NMNAT2: variants seen among roughly 807,000 people sequenced by gnomAD.
The protein encoded by NMNAT2 is nicotinamide/nicotinic acid mononucleotide adenylyltransferase 2.
A neutral mutation model predicts 41.6 loss-of-function variants in NMNAT2; 11 were observed. The observed-to-expected ratio is 0.26, with a 90% CI of 0.17 to 0.44. The LOEUF is 0.44. Ranked by LOEUF, NMNAT2 falls within the 20% of genes least tolerant of loss-of-function variation. The probability of loss-of-function intolerance (pLI) is 1.00; values close to 1 mark genes in which losing one functional copy is unlikely to be tolerated. For synonymous variants in NMNAT2, 148 were observed against 151.2 expected (o/e 0.98, Z 0.16); for missense variants, 288 against 407.7 (o/e 0.71, Z 2.53).
intron 8 of NMNAT2, among the ~76,000 whole-genome samples, chr1:183,271,151 CT>C (rs1418411605): frequency 6.6e-6 from 1 of 152,194 alleles, no homozygotes; most frequent in Admixed American, 6.5e-5. Flanking sequence ...AGTTTTTACT[CT>C]TTTGGGTTAA....
intron 1 of NMNAT2, among the ~76,000 whole-genome samples, chr1:183,372,110 T>C (rs1242611364): frequency 6.6e-6 from 1 of 152,066 alleles, no homozygotes; most frequent in African/African-American, 2.4e-5. Flanking sequence ...GGGAGCAACA[T>C]GAAGCAAACA....
intron 1 of NMNAT2, among the ~76,000 whole-genome samples, chr1:183,373,513 T>A (rs1320578595): frequency 6.6e-6 from 1 of 152,076 alleles, no homozygotes; most frequent in Non-Finnish European, 1.5e-5. Flanking sequence ...CCTCAGAATA[T>A]CCGTGAAATT....
intron 8 of NMNAT2, among the ~76,000 whole-genome samples, chr1:183,275,186 A>G (rs1661091654): frequency 6.6e-6 from 1 of 152,242 alleles, no homozygotes; most frequent in African/African-American, 2.4e-5. Flanking sequence ...AGGTCTGCTA[A>G]TTAATAATGG....
intron 1 of NMNAT2, among the ~76,000 whole-genome samples, chr1:183,370,376 T>A (rs571846840): frequency 6.6e-5 from 10 of 152,266 alleles, no homozygotes; most frequent in African/African-American, 2.4e-4. Flanking sequence ...GAGTTTCCAT[T>A]TCTGCTTCAT....
At chr1:183,266,419 T>C (rs1660816687) in intron 8 of NMNAT2, among the ~76,000 whole-genome samples, 1 of 152,192 alleles carries the variant, frequency 6.6e-6, no homozygotes, top group Non-Finnish European at 1.5e-5. Context: ...CTGCATCCCT[T>C]GTGCGCTCCC....
rs1662054044 is a variant in NMNAT2, at chr1:183,309,053, C to T, written c.86-15260G>A. On this transcript the variant is annotated intron_variant, in intron 1 of 10. Transcript: ENST00000287713. Reference sequence around the variant, plus strand: ...GTTTATTTTGAGACAGGGTCTCACTCTGTGCCCTGGCTGGAGTGCAGTGGT... The same window carrying T: ...GTTTATTTTGAGACAGGGTCTCACTTTGTGCCCTGGCTGGAGTGCAGTGGT... 2.6e-5 allele frequency among the ~76,000 whole-genome samples: 4 copies of T among 152,264 alleles called. No individual in the cohort carries two copies. The South Asian group carries it at 8.3e-4, about 32-fold the overall frequency.
At chr1:183,265,179 T>C (rs1558109610) in intron 8 of NMNAT2, among the ~76,000 whole-genome samples, 1 of 145,492 alleles carries the variant, frequency 6.9e-6, no homozygotes, top group Non-Finnish European at 1.5e-5. Flanking sequence ...AAACAAATAG[T>C]TAAACCATCC....
At chr1:183,287,201 G>T (rs1661423139) in intron 4 of NMNAT2, among the ~76,000 whole-genome samples, 1 of 152,166 alleles carries the variant, frequency 6.6e-6, no homozygotes. Context: ...AGCAGGCGAT[G>T]CTGGAACCTT....
intron 1 of NMNAT2, among the ~76,000 whole-genome samples, chr1:183,350,180 CT>C (rs1288123996): frequency 6.6e-6 from 1 of 152,164 alleles, no homozygotes; most frequent in African/African-American, 2.4e-5. Flanking sequence ...GTGGTAAGTG[CT>C]GTGAATAAAT....
intron 1 of NMNAT2, among the ~76,000 whole-genome samples, chr1:183,376,320 A>G (rs1468392286): frequency 6.6e-6 from 1 of 152,220 alleles, no homozygotes; most frequent in Non-Finnish European, 1.5e-5. Flanking sequence ...CCAGGAGTTT[A>G]CAACAAAAAT....
At position 183,281,391 on chromosome 1, in the gene NMNAT2, T is replaced by G. The variant is rs147827724; in HGVS notation, c.574+2604A>C. Among the ~76,000 whole-genome samples, 893 of 152,214 alleles carry G rather than the reference T, an allele frequency of 5.9e-3. 14 individuals are homozygous for G. The highest frequency in any genetic ancestry group is 0.021 in the African/African-American group (862 of 41,522). On this transcript the variant is annotated intron_variant, in intron 7 of 10. Transcript: ENST00000287713. ...CCTACAATGCACAGGGAAGCCCCCC[T>G]CCCCAACACATCTGTTCCCAAATGT...
At chr1:183,397,888 C>G (rs1313064823) in intron 1 of NMNAT2, among the ~76,000 whole-genome samples, 1 of 152,204 alleles carries the variant, frequency 6.6e-6, no homozygotes, top group East Asian at 1.9e-4. Flanking sequence ...CCAGGCCTGC[C>G]CTAAAAGAGC....
At chr1:183,411,218 A>G (rs766619262) in intron 1 of NMNAT2, among the ~76,000 whole-genome samples, 1 of 152,186 alleles carries the variant, frequency 6.6e-6, no homozygotes, top group Non-Finnish European at 1.5e-5. Context: ...TCTAGAGATC[A>G]TCAATAGCCA....
chr1:183,337,428 A>G (rs1278707995), intron 1 of NMNAT2, among the ~76,000 whole-genome samples: 2 of 152,118 alleles, frequency 1.3e-5, no homozygotes, highest in African/African-American at 4.8e-5. Flanking sequence ...TATTTGATAT[A>G]TTATTTAGTG....
At chr1:183,307,917 A>G (rs552281072) in intron 1 of NMNAT2, among the ~76,000 whole-genome samples, 13 of 152,272 alleles carry the variant, frequency 8.5e-5, no homozygotes, top group Non-Finnish European at 1.9e-4. Context: ...AGAGAAGCCA[A>G]GGTTGGGGAG....
intron 1 of NMNAT2, among the ~76,000 whole-genome samples, chr1:183,358,582 A>C (rs1663245186): frequency 1.3e-5 from 2 of 152,168 alleles, no homozygotes; most frequent in South Asian, 4.1e-4. Flanking sequence ...CTTGATCCAA[A>C]TGTCTAGATT....
At chr1:183,338,149 T>TAAAAGA (rs1662715493) in intron 1 of NMNAT2, among the ~76,000 whole-genome samples, 1 of 96,402 alleles carries the variant, frequency 1.0e-5, no homozygotes, top group Non-Finnish European at 1.9e-5. Context: ...CCCATCTCTT[T>TAAAAGA]AAAAAAAAAA....
rs549082435 is a variant in NMNAT2, at chr1:183,285,894, A to C, written c.448+768T>G. Among the ~76,000 whole-genome samples the C allele has an allele frequency of 3.9e-5, 6 of 152,278 alleles. 1 individual carries two copies. In the South Asian group the frequency reaches 1.2e-3, roughly 32 times the overall value. ...GGGGTATGTGTTGGTGCTCTCTGTC[A>C]CTGGATTGATGGCTAAGAGTGTGGG... On this transcript the variant is annotated intron_variant, in intron 5 of 10. Transcript: ENST00000287713.
At chr1:183,299,078 A>G (rs1430703495) in intron 1 of NMNAT2, among the ~76,000 whole-genome samples, 1 of 152,218 alleles carries the variant, frequency 6.6e-6, no homozygotes, top group African/African-American at 2.4e-5. Context: ...CAGCAATAAA[A>G]AGGAACAAAT....
Sources: allele counts gnomAD v4.1 joint callset (sites outside exome capture counted in the v4.1 genomes callset), GRCh38; gene constraint gnomAD v4.1.1; transcripts MANE v1.5; gene names NCBI Gene and HGNC (gene_info 2026-07-23, HGNC 2026-07-21).